Variants in PRDM5 observed in about 807,000 individuals in gnomAD.
PRDM5 encodes PR domain zinc finger protein 5.
A neutral mutation model predicts 81.2 loss-of-function variants in PRDM5; 56 were observed. That is an observed-to-expected ratio of 0.69 (90% CI 0.56 to 0.86). The LOEUF is 0.86. PRDM5 is among the 40% of genes least tolerant of loss of function. The probability of loss-of-function intolerance (pLI) is 0.00; values close to 1 mark genes in which losing one functional copy is unlikely to be tolerated. For synonymous variants in PRDM5, 267 were observed against 256.4 expected (o/e 1.04, Z -0.39); for missense variants, 697 against 770.1 (o/e 0.91, Z 1.12).
At chr4:120,752,041 C>G (rs1744082694) in intron 14 of PRDM5, among the ~76,000 whole-genome samples, 1 of 152,022 alleles carries the variant, frequency 6.6e-6, no homozygotes, top group African/African-American at 2.4e-5. Flanking sequence ...GTGTTATGGC[C>G]CAAATGTAAT....
chr4:120,909,560 C>T (rs980462074), intron 1 of PRDM5, among the ~76,000 whole-genome samples: 1 of 152,058 alleles, frequency 6.6e-6, no homozygotes, highest in East Asian at 1.9e-4. Context: ...TAAGTACACA[C>T]TTTCCAAAGT....
intron 2 of PRDM5, among the ~76,000 whole-genome samples, chr4:120,903,705 A>T (rs941046572): frequency 4.6e-5 from 7 of 152,168 alleles, no homozygotes; most frequent in African/African-American, 1.7e-4. Context: ...TAATTAAATC[A>T]TTGGGGCAGT....
At chr4:120,863,042 T>A (rs1760781295) in intron 2 of PRDM5, among the ~76,000 whole-genome samples, 1 of 149,554 alleles carries the variant, frequency 6.7e-6, no homozygotes, top group African/African-American at 2.5e-5. Flanking sequence ...GCCTATAAAC[T>A]GGCTACTTGG....
At chr4:120,747,813 G>A (rs1026008865) in intron 14 of PRDM5, among the ~76,000 whole-genome samples, 3 of 152,334 alleles carry the variant, frequency 2.0e-5, no homozygotes, top group Non-Finnish European at 2.9e-5. Context: ...AACAAGGCTG[G>A]AGAGAACTGC....
At position 120,724,867 on chromosome 4, in the gene PRDM5, A is replaced by C. The variant is rs147625341; in HGVS notation, c.1624-14454T>G. ...AACAGGTGAAACAAAACCATCAAGGAGCGGGCAGAAGTCAGAGGAAATCAT... is the reference window on the plus strand; with the variant it reads ...AACAGGTGAAACAAAACCATCAAGGCGCGGGCAGAAGTCAGAGGAAATCAT... On this transcript the variant is annotated intron_variant, in intron 14 of 15. Transcript: ENST00000264808. Among the ~76,000 whole-genome samples the C allele has an allele frequency of 3.7e-3, 570 of 152,334 alleles. 2 individuals are homozygous for C. Among genetic ancestry groups the C allele is most frequent in the Non-Finnish European group, 6.9e-3 (472 of 68,032 alleles).
At chr4:120,728,694 C>T (rs536732638) in intron 14 of PRDM5, among the ~76,000 whole-genome samples, 2 of 152,240 alleles carry the variant, frequency 1.3e-5, no homozygotes, top group African/African-American at 4.8e-5. Context: ...CATACGTCGC[C>T]TAGTGTTGCG....
intron 1 of PRDM5, among the ~76,000 whole-genome samples, chr4:120,915,241 C>A (rs1346837386): frequency 1.3e-5 from 2 of 152,146 alleles, no homozygotes; most frequent in East Asian, 3.8e-4. Flanking sequence ...AAAATCATAA[C>A]TTTTCTTAAG....
chr4:120,875,795 C>T (rs1762280356), intron 2 of PRDM5, among the ~76,000 whole-genome samples: 1 of 152,120 alleles, frequency 6.6e-6, no homozygotes, highest in Admixed American at 6.5e-5. Flanking sequence ...TAAGAAATTG[C>T]TTCCAAAAAA....
chr4:120,914,823 T>TA, intron 1 of PRDM5, among the ~76,000 whole-genome samples: 1 of 152,210 alleles, frequency 6.6e-6, no homozygotes, highest in East Asian at 1.9e-4. Flanking sequence ...TATTCAGCCA[T>TA]AAAAAATAAC....
intron 10 of PRDM5, among the ~76,000 whole-genome samples, chr4:120,795,773 C>T (rs1270408683): frequency 6.6e-6 from 1 of 151,980 alleles, no homozygotes; most frequent in Non-Finnish European, 1.5e-5. Flanking sequence ...ATTAGCCAGG[C>T]ATGGTGGCAC....
chr4:120,738,598 T>A (rs1741453704), intron 14 of PRDM5, among the ~76,000 whole-genome samples: 1 of 152,150 alleles, frequency 6.6e-6, no homozygotes, highest in Admixed American at 6.5e-5. Flanking sequence ...GATAGTATAT[T>A]TTTTTAAACT....
At chr4:120,746,889 A>G (rs1171776756) in intron 14 of PRDM5, among the ~76,000 whole-genome samples, 1 of 150,262 alleles carries the variant, frequency 6.7e-6, no homozygotes, top group East Asian at 2.0e-4. Flanking sequence ...TTCCTCAGGG[A>G]TCTAGAACTA....
intron 13 of PRDM5, among the ~76,000 whole-genome samples, chr4:120,770,304 C>T (rs1747079616): frequency 6.6e-6 from 1 of 152,144 alleles, no homozygotes; most frequent in East Asian, 1.9e-4. Flanking sequence ...GCTGAGATTA[C>T]AGGCGTGAGC....
intron 3 of PRDM5, among the ~76,000 whole-genome samples, chr4:120,835,576 GT>G (rs1007821475): frequency 2.0e-5 from 3 of 152,088 alleles, no homozygotes; most frequent in African/African-American, 7.2e-5. Flanking sequence ...AAAAATGGGG[GT>G]TTCCCTGCAC....
chr4:120,766,149 AG>A, intron 13 of PRDM5, among the ~76,000 whole-genome samples: 1 of 152,088 alleles, frequency 6.6e-6, no homozygotes, highest in Non-Finnish European at 1.5e-5. Context: ...TAGTAGAGAT[AG>A]GGTTTCACCA....
chr4:120,816,831 C>A lies in PRDM5; in HGVS notation c.743+1G>T, dbSNP rs1754581737. The stretch of plus-strand genomic sequence containing the variant: ...GCCATTTCATAACTCAGACACAAAA[C>A]CTCGATGCTGAACTGAAGGAAGAAT... On this transcript the variant is annotated splice_donor_variant, in intron 6 of 15. Coordinates refer to ENST00000264808, the MANE Select transcript of PRDM5 (RefSeq NM_018699.4). LOFTEE classifies it high-confidence loss of function. 2 of 1,612,576 alleles carry A rather than the reference C, an allele frequency of 1.2e-6. No individual in the cohort carries two copies. The highest frequency in any genetic ancestry group is 1.7e-6 in the Non-Finnish European group (2 of 1,178,598).
intron 2 of PRDM5, among the ~76,000 whole-genome samples, chr4:120,873,855 A>T (rs1039435753): frequency 1.3e-5 from 2 of 152,200 alleles, no homozygotes; most frequent in African/African-American, 4.8e-5. Flanking sequence ...ACCCATGTAT[A>T]TAATTTTTCT....
chr4:120,735,731 G>T (rs964477027), intron 14 of PRDM5, among the ~76,000 whole-genome samples: 27 of 152,138 alleles, frequency 1.8e-4, no homozygotes, highest in African/African-American at 6.3e-4. Flanking sequence ...CGATGACTGG[G>T]GGCATCGTCT....
intron 10 of PRDM5, among the ~76,000 whole-genome samples, chr4:120,787,912 A>C (rs184101428): frequency 6.6e-6 from 1 of 152,330 alleles, no homozygotes; most frequent in Admixed American, 6.5e-5. Context: ...TAAAGCCATG[A>C]ATATGATAAA....
Sources: gnomAD v4.1 joint callset for allele counts (sites outside exome capture counted in the v4.1 genomes callset) on GRCh38, gnomAD v4.1.1 for gene constraint, MANE v1.5 for transcripts, NCBI Gene and HGNC (gene_info 2026-07-23, HGNC 2026-07-21) for gene names.